The following SOS1 variants were observed in gnomAD, a reference collection of about 807,000 sequenced individuals.
SOS1 encodes the protein SOS Ras/Rac guanine nucleotide exchange factor 1.
SOS1 carries 25 observed loss-of-function variants against 157.6 expected under a neutral mutation model. The observed-to-expected ratio is 0.16, with a 90% CI of 0.12 to 0.22. The LOEUF is 0.22. Ranked by LOEUF, SOS1 falls within the 10% of genes least tolerant of loss-of-function variation. SOS1 has a pLI of 1.00. For synonymous variants in SOS1, 528 were observed against 534.0 expected, an observed-to-expected ratio of 0.99 and a Z score of 0.16; for missense variants, 1,237 against 1,599.1, an observed-to-expected ratio of 0.77 and a Z score of 3.86.
chr2:39,044,814 C>T (rs114872840), intron 6 of SOS1, among the ~76,000 whole-genome samples: 1 of 151,950 alleles, frequency 6.6e-6, no homozygotes, highest in African/African-American at 2.4e-5. Flanking sequence ...AGAACCAATT[C>T]CCCACATATA....
chr2:39,084,453 C>A (rs925337294), intron 1 of SOS1, among the ~76,000 whole-genome samples: 1 of 151,602 alleles, frequency 6.6e-6, no homozygotes, highest in Non-Finnish European at 1.5e-5. Flanking sequence ...AAGAATATAA[C>A]CTTTGTTGTC....
chr2:38,981,992 C>G lies in SOS1; in HGVS notation c.*3832G>C, dbSNP rs1268995078. The G allele has an allele frequency of 6.6e-6, 1 of 152,158 alleles. No homozygotes were observed. The highest frequency in any genetic ancestry group is 1.5e-5 in the Non-Finnish European group (1 of 68,012). The allele number at this position is 152,158 out of a possible 1,614,324, so 9.4% of individuals were successfully genotyped here. A position where few individuals can be genotyped will look rare whatever the true frequency, so the allele number is the denominator to read the frequency against. Reference sequence around the variant, plus strand: ...TGTTCTTAATTAAAGGCACATTTGGCAGCTACTGAAAGTGGCATGCATCTG... The same window carrying G: ...TGTTCTTAATTAAAGGCACATTTGGGAGCTACTGAAAGTGGCATGCATCTG... On this transcript the variant is annotated 3_prime_UTR_variant, in exon 23 of 23. Transcript: ENST00000402219.
intron 1 of SOS1, 47 bp downstream of exon 1, chr2:39,120,289 G>C (rs747951025): frequency 1.3e-6 from 2 of 1,514,550 alleles, no homozygotes; most frequent in Non-Finnish European, 1.8e-6. Context: ...CCCAGCGCCC[G>C]CGCTGGGGGG....
rs116439573 is a variant in SOS1 at position 39,052,430 on chromosome 2, G to A, written c.721-1143C>T. Reference sequence around the variant, plus strand: ...AATCAAGATACAGTACCTTTTCATCGTCTTAAGAAGTTTCTTTGTCCCCCA... The same window carrying A: ...AATCAAGATACAGTACCTTTTCATCATCTTAAGAAGTTTCTTTGTCCCCCA... On this transcript the variant is annotated intron_variant, in intron 5 of 22. Coordinates refer to ENST00000402219, the MANE Select transcript of SOS1 (RefSeq NM_005633.4). 7.1e-3 allele frequency among the ~76,000 whole-genome samples: 1,079 copies of A among 152,094 alleles called. 11 individuals carry two copies. The highest frequency in any genetic ancestry group is 0.025 in the African/African-American group (1,037 of 41,500).
chr2:39,111,759 C>T (rs186937122), intron 1 of SOS1, among the ~76,000 whole-genome samples: 3 of 145,862 alleles, frequency 2.1e-5, no homozygotes, highest in South Asian at 2.2e-4. Context: ...GACGGAGTTT[C>T]GCTCTTGTTG....
At chr2:39,021,568 A>G (rs1200486644) in intron 10 of SOS1, among the ~76,000 whole-genome samples, 1 of 151,252 alleles carries the variant, frequency 6.6e-6, no homozygotes, top group Non-Finnish European at 1.5e-5. Context: ...TTTCTTACAA[A>G]CACAGAGAAA....
intron 1 of SOS1, among the ~76,000 whole-genome samples, chr2:39,097,184 G>A (rs760620301): frequency 2.7e-4 from 41 of 152,084 alleles, no homozygotes; most frequent in Non-Finnish European, 2.6e-4. Flanking sequence ...AGTTTTAAAA[G>A]AAATCCAACA....
intron 20 of SOS1, chr2:38,993,109 C>G (rs775229091): frequency 5.3e-5 from 8 of 151,696 alleles, no homozygotes; most frequent in African/African-American, 1.9e-4. Flanking sequence ...AAAAAAGACT[C>G]CATGACCTTC....
At chr2:39,064,258 T>C (rs1339462697) in intron 2 of SOS1, among the ~76,000 whole-genome samples, 1 of 152,208 alleles carries the variant, frequency 6.6e-6, no homozygotes, top group African/African-American at 2.4e-5. Flanking sequence ...AACAAATGCA[T>C]TACCTCACAT....
upstream of SOS1, among the ~76,000 whole-genome samples, chr2:39,123,799 T>C (rs1673979647): frequency 6.6e-6 from 1 of 152,206 alleles, no homozygotes; most frequent in Non-Finnish European, 1.5e-5. Flanking sequence ...GACTACATAA[T>C]CAACGTTGTT....
At chr2:39,044,864 G>GCGCACA (rs147443441) in intron 6 of SOS1, among the ~76,000 whole-genome samples, 4,475 of 147,650 alleles carry the variant, frequency 0.03, 144 homozygotes, top group East Asian at 0.13. Flanking sequence ...GCGCGCGCGC[G>GCGCACA]CACACACACA....
intron 21 of SOS1, 97 bp downstream of exon 21, chr2:38,989,173 T>C: frequency 1.2e-6 from 1 of 822,088 alleles, no homozygotes; most frequent in South Asian, 1.4e-5. Context: ...GTACCAATGC[T>C]GCCAGACCCA....
intron 6 of SOS1, among the ~76,000 whole-genome samples, chr2:39,044,955 G>A (rs187093124): frequency 2.8e-4 from 42 of 152,198 alleles, no homozygotes; most frequent in African/African-American, 1.0e-3. Context: ...GGATGTTCAA[G>A]TCCCTGATAT....
At chr2:39,054,117 T>A (rs1012821541) in intron 5 of SOS1, among the ~76,000 whole-genome samples, 57 of 152,068 alleles carry the variant, frequency 3.7e-4, no homozygotes, top group African/African-American at 1.3e-3. Flanking sequence ...TTAGTAGAGA[T>A]GGGGTTTCAC....
chr2:39,110,383 GT>G (rs1001596436), intron 1 of SOS1, among the ~76,000 whole-genome samples: 2 of 152,062 alleles, frequency 1.3e-5, no homozygotes, highest in African/African-American at 4.8e-5. Context: ...ATCCACAGTT[GT>G]TTGAATGCAC....
At chr2:39,083,597 C>A (rs1210387549) in intron 1 of SOS1, among the ~76,000 whole-genome samples, 1 of 152,126 alleles carries the variant, frequency 6.6e-6, no homozygotes, top group Non-Finnish European at 1.5e-5. Context: ...TCAATATAGA[C>A]TGTTCTTGGA....
At position 39,085,371 on chromosome 2, in the gene SOS1, A is replaced by G. The variant is rs544991605; in HGVS notation, c.88-17618T>C. Among the ~76,000 whole-genome samples, 40 of 152,276 alleles carry G rather than the reference A, an allele frequency of 2.6e-4. 1 individual carries two copies. Among genetic ancestry groups the G allele is most frequent in the Middle Eastern group, 6.8e-3 (2 of 294 alleles). On this transcript the variant is annotated intron_variant, in intron 1 of 22. Transcript: ENST00000402219. ...TTATCCTACCCTATTTTAAGTTTCA[A>G]CCACATTTTAAGAGGTATTTTTAAG...
At chr2:39,117,485 G>A (rs540111917) in intron 1 of SOS1, among the ~76,000 whole-genome samples, 2 of 152,242 alleles carry the variant, frequency 1.3e-5, no homozygotes, top group East Asian at 3.9e-4. Context: ...GTAGCAGTCC[G>A]GACTGGCTAA....
rs536852746 is a variant in SOS1 at position 39,007,490 on chromosome 2, GGAGGTCTTTGT to G, written c.2511-308_2511-298del. ...GAGGCCACTATCTTGTGGAATGTAT[GGAGGTCTTTGT>G]GAGGTCTTTGTGATGTGGGTGTATT... On this transcript the variant is annotated intron_variant, in intron 15 of 22. Transcript: ENST00000402219. 31 of 323,756 alleles carry G rather than the reference GGAGGTCTTTGT, an allele frequency of 9.6e-5. No homozygotes were observed. The East Asian group carries it at 1.2e-3, about 13-fold the overall frequency. 20.1% of individuals were successfully genotyped at this position (323,756 alleles called of 1,614,324 possible). A position where few individuals can be genotyped will look rare whatever the true frequency, so the allele number is the denominator to read the frequency against.
Sources: gnomAD v4.1 joint callset for allele counts (sites outside exome capture counted in the v4.1 genomes callset) on GRCh38, gnomAD v4.1.1 for gene constraint, MANE v1.5 for transcripts, NCBI Gene and HGNC (gene_info 2026-07-23, HGNC 2026-07-21) for gene names.